The following RSBN1L variants were observed in gnomAD, a reference collection of about 807,000 sequenced individuals.
The protein encoded by RSBN1L is round spermatid basic protein 1 like, also known as lysine-specific demethylase RSBN1L.
Under a neutral mutation model 67.7 loss-of-function variants are expected in RSBN1L, and 30 were observed. The ratio of observed to expected loss-of-function variants is 0.44; its 90% confidence interval spans 0.33 to 0.60. The LOEUF is 0.60. Among genes scored for constraint, RSBN1L ranks in the 20% least tolerant of loss-of-function variants. The pLI is 0.02. For synonymous variants in RSBN1L, 433 were observed against 387.0 expected (o/e 1.12, Z -1.39); for missense variants, 992 against 1,031.7 (o/e 0.96, Z 0.53).
intron 1 of RSBN1L, among the ~76,000 whole-genome samples, chr7:77,699,262 A>G (rs930140218): frequency 1.3e-5 from 2 of 152,224 alleles, no homozygotes; most frequent in Non-Finnish European, 2.9e-5. Context: ...GACATTAGCT[A>G]TAAAGACACC....
At position 77,749,523 on chromosome 7, in the gene RSBN1L, G is replaced by T. The variant is rs186514747; in HGVS notation, c.803G>T (p.Arg268Leu). The change falls in exon 3 of 8, where the codon CGT (arginine) becomes CTT (leucine). Residue 268 changes from arginine (R) to leucine (L), a missense_variant. Arg to Leu is a moderately radical substitution (Grantham distance 102). This residue lies in a region of RSBN1L where 575 missense variants were observed against 483.2 expected (regional missense o/e 1.19). Transcript: ENST00000334955. The stretch of plus-strand genomic sequence containing the variant: ...CACAAAGAGAATGAAAAACGGAAGC[G>T]TCCGAAAATGTATAGCAAATCTATT... Reference protein sequence around the residue: ...KKHKENEKRKRPKMYSKSIQT... With the variant: ...KKHKENEKRKLPKMYSKSIQT... 2.5e-6 allele frequency: 4 copies of T among 1,609,760 alleles called. No homozygotes were observed. Among genetic ancestry groups the T allele is most frequent in the Non-Finnish European group, 3.4e-6 (4 of 1,179,058 alleles).
At chr7:77,716,442 C>T (rs1028374472) in intron 1 of RSBN1L, among the ~76,000 whole-genome samples, 1 of 144,612 alleles carries the variant, frequency 6.9e-6, no homozygotes, top group Non-Finnish European at 1.5e-5. Flanking sequence ...CCTCCCGCCT[C>T]AGCTGTCTGG....
At chr7:77,701,170 ACAAC>A (rs1434040827) in intron 1 of RSBN1L, among the ~76,000 whole-genome samples, 19 of 128,510 alleles carry the variant, frequency 1.5e-4, no homozygotes, top group African/African-American at 3.2e-4. Context: ...AAAAAAAAAA[ACAAC>A]AACAACAACA....
Position 77,782,915 on chromosome 7 carries a change from C to T in RSBN1L, c.*3747C>T, listed in dbSNP as rs989319163. The T allele has an allele frequency of 6.6e-6, 1 of 152,062 alleles. No individual in the cohort carries two copies. Among genetic ancestry groups the T allele is most frequent in the African/African-American group, 2.4e-5 (1 of 41,418 alleles). The allele number at this position is 152,062 out of a possible 1,614,324, so 9.4% of individuals were successfully genotyped here. On this transcript the variant is annotated 3_prime_UTR_variant, in exon 8 of 8. Coordinates refer to ENST00000334955, the MANE Select transcript of RSBN1L (RefSeq NM_198467.3). ...GTTCATTGTCATGTAAAACAAATAT[C>T]TCAAAATTCATTTTACATTTAGCAA... is the stretch of plus-strand genomic sequence containing the variant.
At chr7:77,771,706 C>T (rs539815719) in intron 5 of RSBN1L, among the ~76,000 whole-genome samples, 3 of 152,028 alleles carry the variant, frequency 2.0e-5, no homozygotes, top group Non-Finnish European at 2.9e-5. Flanking sequence ...GACGGGATTT[C>T]GCCGTTTTGG....
At chr7:77,746,680 A>AG (rs1349329344) in intron 2 of RSBN1L, among the ~76,000 whole-genome samples, 1 of 152,204 alleles carries the variant, frequency 6.6e-6, no homozygotes, top group African/African-American at 2.4e-5. Context: ...GACAAGGCCA[A>AG]GTCTCTTTCA....
chr7:77,749,813 T>C lies in RSBN1L; in HGVS notation c.1093T>C (p.Tyr365His). 9 of 1,614,188 alleles carry C rather than the reference T, an allele frequency of 5.6e-6. No individual in the cohort carries two copies. The highest frequency in any genetic ancestry group is 4.2e-6 in the Non-Finnish European group (5 of 1,180,020). Residue 365 changes from tyrosine to histidine, a missense_variant, in exon 3 of 8, where the codon TAC becomes CAC. By Grantham distance (83) the Tyr-to-His change is moderately conservative. Around this residue, in one of 7 missense-constraint regions of RSBN1L, gnomAD observed 575 missense variants for 483.2 expected, o/e 1.19. Coordinates refer to ENST00000334955, the MANE Select transcript of RSBN1L (RefSeq NM_198467.3). ...TGGAGGTGCATCGGTTATCCATGCC[T>C]ACAGTAACGAACTCTCCCACCTGTC... ...PNGGASVIHA[Y>H]SNELSHLSPM...
intron 3 of RSBN1L, among the ~76,000 whole-genome samples, chr7:77,757,044 T>C (rs1326858053): frequency 6.6e-6 from 1 of 152,180 alleles, no homozygotes; most frequent in East Asian, 1.9e-4. Flanking sequence ...TTTTCTGTTT[T>C]TGTTATTGTT....
intron 1 of RSBN1L, 161 bp downstream of exon 1, chr7:77,697,216 G>T: frequency 2.8e-6 from 2 of 726,150 alleles, no homozygotes; most frequent in Non-Finnish European, 3.8e-6. Context: ...AGTTCCCAAG[G>T]GGACAGGAAA....
At chr7:77,722,474 C>T (rs567614825) in intron 1 of RSBN1L, among the ~76,000 whole-genome samples, 32 of 152,044 alleles carry the variant, frequency 2.1e-4, no homozygotes, top group African/African-American at 6.5e-4. Flanking sequence ...GTGAGGTCCA[C>T]GGAAAAAAGG....
chr7:77,711,510 A>G (rs1051057864), intron 1 of RSBN1L, among the ~76,000 whole-genome samples: 2 of 151,824 alleles, frequency 1.3e-5, no homozygotes, highest in Non-Finnish European at 2.9e-5. Context: ...TGGCTGATTT[A>G]AAAAAAGTTT....
intron 1 of RSBN1L, among the ~76,000 whole-genome samples, chr7:77,714,073 T>G (rs1330459283): frequency 6.6e-6 from 1 of 152,172 alleles, no homozygotes; most frequent in Non-Finnish European, 1.5e-5. Context: ...TTGGGTCTGT[T>G]TTTAGATTTG....
At chr7:77,713,824 GAA>G (rs890738069) in intron 1 of RSBN1L, among the ~76,000 whole-genome samples, 38 of 152,130 alleles carry the variant, frequency 2.5e-4, no homozygotes, top group African/African-American at 8.9e-4. Context: ...TTATTTCTTA[GAA>G]AAGTTATTTC....
rs202084915 is a variant in RSBN1L, at chr7:77,750,014, T to C, written c.1294T>C (p.Leu432=). The change falls in exon 3 of 8, where the codon TTG becomes CTG. Residue 432 remains leucine (L), a synonymous_variant. Transcript: ENST00000334955. ...CAATTCACCAGTGAAAATGGAGATATTGGGAAAGAAAGATATAGAGACAAC... is the reference window on the plus strand; with the variant it reads ...CAATTCACCAGTGAAAATGGAGATACTGGGAAAGAAAGATATAGAGACAAC... The part of the protein sequence containing the change: ...FPNSPVKMEI[L]GKKDIETTTM... The C allele has an allele frequency of 5.0e-6, 8 of 1,612,832 alleles. No individual in the cohort carries two copies. Among genetic ancestry groups the C allele is most frequent in the Admixed American group, 3.3e-5 (2 of 59,826 alleles).
chr7:77,763,656 T>C (rs567359110), intron 3 of RSBN1L, among the ~76,000 whole-genome samples: 1 of 152,198 alleles, frequency 6.6e-6, no homozygotes, highest in Non-Finnish European at 1.5e-5. Flanking sequence ...GATGAGACAA[T>C]GAGCATACAA....
chr7:77,702,322 T>G (rs1391244352), intron 1 of RSBN1L, among the ~76,000 whole-genome samples: 1 of 152,220 alleles, frequency 6.6e-6, no homozygotes, highest in Non-Finnish European at 1.5e-5. Flanking sequence ...TTCAGTATTA[T>G]AGTATTTTGT....
intron 1 of RSBN1L, among the ~76,000 whole-genome samples, chr7:77,698,542 A>G (rs1464481624): frequency 2.0e-5 from 3 of 152,212 alleles, no homozygotes; most frequent in African/African-American, 7.2e-5. Flanking sequence ...TTGAGAAGAA[A>G]TAAGTAAGCA....
At position 77,778,854 on chromosome 7, in the gene RSBN1L, C is replaced by G; in HGVS notation, c.2227C>G (p.Leu743Val). 6.2e-7 allele frequency: 1 copy of G among 1,613,956 alleles called. No individual in the cohort carries two copies. The highest frequency in any genetic ancestry group is 2.2e-5 in the East Asian group (1 of 44,872). ...CTTGGATTCTGTTTTTTCAGATAAA[C>G]TTCATTCTAAATATGAATTACAGCA... ...ASLDSVFSDK[L>V]HSKYELQQIK... is the part of the protein sequence containing the mutation. The change falls in exon 8 of 8, where the codon CTT (leucine) becomes GTT (valine). Residue 743 changes from leucine to valine, a missense_variant. Physicochemically the swap from Leu to Val is conservative, Grantham distance 32 (BLOSUM62 1). Transcript: ENST00000334955.
intron 3 of RSBN1L, among the ~76,000 whole-genome samples, chr7:77,763,545 T>C (rs894454880): frequency 6.6e-6 from 1 of 152,234 alleles, no homozygotes. Context: ...ACTGTGCTGC[T>C]ATTAATGCAT....
Sources: gnomAD v4.1 joint callset for allele counts (sites outside exome capture counted in the v4.1 genomes callset) on GRCh38, gnomAD v4.1.1 for gene constraint, gnomAD v4.1.1 regional missense constraint, MANE v1.5 for transcripts, NCBI Gene and HGNC (gene_info 2026-07-23, HGNC 2026-07-21) for gene names.